MACROD2: variants seen among roughly 807,000 people sequenced by gnomAD.
MACROD2 encodes the protein ADP-ribose glycohydrolase MACROD2.
In MACROD2, 36 loss-of-function variants were observed where a neutral mutation model predicts 70.4. The ratio of observed to expected loss-of-function variants is 0.51; its 90% CI spans 0.39 to 0.68. The LOEUF is 0.68. Ranked by LOEUF, MACROD2 falls within the 30% of genes least tolerant of loss-of-function variation. The pLI, the probability that MACROD2 is intolerant of heterozygous loss-of-function variation, is 0.00. For missense variants in MACROD2, 496 were observed against 538.4 expected, an observed-to-expected ratio of 0.92 and a Z score of 0.78; for synonymous variants, 172 against 178.8, an observed-to-expected ratio of 0.96 and a Z score of 0.30.
intron 6 of MACROD2, among the ~76,000 whole-genome samples, chr20:15,249,574 A>G (rs1422938220): frequency 6.6e-6 from 1 of 152,186 alleles, no homozygotes; most frequent in Non-Finnish European, 1.5e-5. Context: ...CTCCATAGCA[A>G]TTGCATGGGG....
chr20:15,758,158 G>T, intron 8 of MACROD2, among the ~76,000 whole-genome samples: 1 of 150,448 alleles, frequency 6.6e-6, no homozygotes. Flanking sequence ...AATAATTTAT[G>T]TATAAATTAC....
At chr20:15,758,478 G>A (rs1434641010) in intron 8 of MACROD2, among the ~76,000 whole-genome samples, 1 of 150,962 alleles carries the variant, frequency 6.6e-6, no homozygotes, top group African/African-American at 2.4e-5. Context: ...GACCCCAAGT[G>A]ATCCGACTGC....
chr20:15,380,485 C>T (rs995717667), intron 6 of MACROD2, among the ~76,000 whole-genome samples: 3 of 149,864 alleles, frequency 2.0e-5, no homozygotes, highest in African/African-American at 4.9e-5. Context: ...ATGATATAAA[C>T]TTATAATTAA....
intron 5 of MACROD2, among the ~76,000 whole-genome samples, chr20:15,159,768 G>A (rs466680): frequency 0.59 from 89,469 of 151,328 alleles, 26,515 homozygotes; most frequent in East Asian, 0.65. Flanking sequence ...ACACACACAC[G>A]CATGGGCACA....
intron 3 of MACROD2, among the ~76,000 whole-genome samples, chr20:14,155,321 G>T (rs1399168919): frequency 1.3e-5 from 2 of 152,044 alleles, no homozygotes; most frequent in Non-Finnish European, 2.9e-5. Flanking sequence ...TCAAAAATCA[G>T]TTAAAAATTT....
At chr20:15,820,058 A>C (rs531351663) in intron 8 of MACROD2, among the ~76,000 whole-genome samples, 1 of 152,010 alleles carries the variant, frequency 6.6e-6, no homozygotes, top group Non-Finnish European at 1.5e-5. Flanking sequence ...TTTTTTAAGC[A>C]GCTCTTTAAA....
chr20:15,880,491 A>G (rs2064739220), intron 9 of MACROD2, among the ~76,000 whole-genome samples: 1 of 151,752 alleles, frequency 6.6e-6, no homozygotes, highest in Non-Finnish European at 1.5e-5. Flanking sequence ...CCAGTAGGGA[A>G]GTGGGGAAGT....
At chr20:15,777,313 A>G (rs542190921) in intron 8 of MACROD2, among the ~76,000 whole-genome samples, 1 of 152,240 alleles carries the variant, frequency 6.6e-6, no homozygotes, top group East Asian at 1.9e-4. Flanking sequence ...TTAGTTTTAT[A>G]TAATGAGGTT....
At chr20:14,298,653 A>G (rs2082448551) in intron 3 of MACROD2, among the ~76,000 whole-genome samples, 1 of 151,928 alleles carries the variant, frequency 6.6e-6, no homozygotes, top group African/African-American at 2.4e-5. Context: ...AGCAAAGTCA[A>G]TTGAAAACTT....
At chr20:14,142,572 C>T (rs974605652) in intron 3 of MACROD2, among the ~76,000 whole-genome samples, 2 of 152,132 alleles carry the variant, frequency 1.3e-5, no homozygotes, top group Non-Finnish European at 2.9e-5. Flanking sequence ...ATGAAGCTGC[C>T]ACCACACTTA....
intron 4 of MACROD2, among the ~76,000 whole-genome samples, chr20:14,551,105 G>C (rs1978623899): frequency 6.6e-6 from 1 of 151,934 alleles, no homozygotes; most frequent in Admixed American, 6.6e-5. Flanking sequence ...TGTGATATAA[G>C]GTCTCCGTAC....
intron 5 of MACROD2, among the ~76,000 whole-genome samples, chr20:14,829,323 G>A (rs1306068534): frequency 1.3e-5 from 2 of 151,430 alleles, no homozygotes; most frequent in African/African-American, 4.9e-5. Flanking sequence ...GCAGAGACGG[G>A]GTTTCACCAT....
chr20:14,336,221 T>C (rs1220884227), intron 3 of MACROD2, among the ~76,000 whole-genome samples: 1 of 152,228 alleles, frequency 6.6e-6, no homozygotes, highest in Non-Finnish European at 1.5e-5. Context: ...TAAAATAACA[T>C]AGATGAGCAT....
chr20:15,005,735 C>A (rs1307200209), intron 5 of MACROD2, among the ~76,000 whole-genome samples: 1 of 152,088 alleles, frequency 6.6e-6, no homozygotes, highest in Non-Finnish European at 1.5e-5. Context: ...CATCCAAGCT[C>A]TCAGTGGATC....
At chr20:15,551,755 C>G (rs1265860866) in intron 8 of MACROD2, among the ~76,000 whole-genome samples, 1 of 151,136 alleles carries the variant, frequency 6.6e-6, no homozygotes, top group Admixed American at 6.6e-5. Context: ...GTGGTCCCAG[C>G]TGCTTTGGAG....
intron 3 of MACROD2, among the ~76,000 whole-genome samples, chr20:14,149,279 G>A (rs1260118404): frequency 6.6e-6 from 1 of 150,970 alleles, no homozygotes; most frequent in Non-Finnish European, 1.5e-5. Flanking sequence ...ATGTTAATTC[G>A]CTTAGGATAA....
At chr20:14,831,545 G>A (rs1315954382) in intron 5 of MACROD2, among the ~76,000 whole-genome samples, 7 of 151,624 alleles carry the variant, frequency 4.6e-5, no homozygotes, top group Admixed American at 2.0e-4. Context: ...TTGGGAGGCC[G>A]AGGAGGGTGG....
chr20:15,928,520 G>A (rs992967802), intron 10 of MACROD2, among the ~76,000 whole-genome samples: 6 of 152,198 alleles, frequency 3.9e-5, no homozygotes, highest in African/African-American at 1.4e-4. Flanking sequence ...CCCAACATCA[G>A]CTAAGGCTGG....
chr20:15,572,620 G>T (rs2048390368), intron 8 of MACROD2, among the ~76,000 whole-genome samples: 1 of 151,918 alleles, frequency 6.6e-6, no homozygotes, highest in Non-Finnish European at 1.5e-5. Flanking sequence ...CAGTTATTTT[G>T]ATATACCTTT....
Sources: allele counts gnomAD v4.1 joint callset (sites outside exome capture counted in the v4.1 genomes callset), GRCh38; gene constraint gnomAD v4.1.1; transcripts MANE v1.5; gene names NCBI Gene and HGNC (gene_info 2026-07-23, HGNC 2026-07-21).